OTOG: variants seen among roughly 807,000 people sequenced by gnomAD.
The protein encoded by OTOG is otogelin.
In OTOG, 296 loss-of-function variants were observed where a neutral mutation model predicts 313.8. The ratio of observed to expected loss-of-function variants is 0.94; its 90% confidence interval spans 0.86 to 1.04. The LOEUF (loss-of-function observed/expected upper bound fraction) is 1.04, where lower values mean the gene tolerates loss of function less well. OTOG is among the 50% of genes least tolerant of loss of function. The probability of loss-of-function intolerance (pLI) is 0.00; values close to 1 mark genes in which losing one functional copy is unlikely to be tolerated. For synonymous variants in OTOG, 1,533 were observed against 1,554.9 expected (o/e 0.99, Z 0.33); for missense variants, 3,948 against 3,840.1 (o/e 1.03, Z -0.74).
At chr11:17,630,902 C>G (rs562818311) in intron 40 of OTOG, among the ~76,000 whole-genome samples, 1 of 152,308 alleles carries the variant, frequency 6.6e-6, no homozygotes, top group South Asian at 2.1e-4. Flanking sequence ...ACCCTTGCCC[C>G]CATCTCAGTG....
Position 17,634,885 on chromosome 11 carries a change from C to A in OTOG, c.7522C>A (p.Arg2508Ser), listed in dbSNP as rs1430372915. 1.2e-5 allele frequency: 18 copies of A among 1,549,458 alleles called. 1 individual carries two copies. Among genetic ancestry groups the A allele is most frequent in the African/African-American group, 8.2e-5 (6 of 73,066 alleles). Reference protein sequence around the residue: ...TLCEGLAPTCRPGHRLLTHFQ... With the variant: ...TLCEGLAPTCSPGHRLLTHFQ... ...GTGTGAGGGTCTCGCCCCCACATGCCGCCCAGGCCACCGCCTCCTCACCCA... is the reference window on the plus strand; with the variant it reads ...GTGTGAGGGTCTCGCCCCCACATGCAGCCCAGGCCACCGCCTCCTCACCCA... The change falls in exon 45 of 56, where the codon CGC becomes AGC. Residue 2508 changes from arginine (R) to serine (S), a missense_variant. Transcript: ENST00000399397.
chr11:17,604,539 G>A (rs575116693), intron 32 of OTOG, among the ~76,000 whole-genome samples: 65 of 152,336 alleles, frequency 4.3e-4, no homozygotes, highest in Middle Eastern at 6.8e-3. Context: ...CTCATCCGCC[G>A]TCAGTGTGAC....
At chr11:17,605,083 C>T (rs190219786) in intron 32 of OTOG, among the ~76,000 whole-genome samples, 3 of 152,360 alleles carry the variant, frequency 2.0e-5, no homozygotes, top group African/African-American at 4.8e-5. Flanking sequence ...GGCATGAATG[C>T]GCTTGCCCAC....
chr11:17,611,272 G>T lies in OTOG; in HGVS notation c.5972G>T (p.Gly1991Val). The T allele has an allele frequency of 6.4e-7, 1 of 1,550,512 alleles. No individual in the cohort carries two copies. The change falls in exon 36 of 56, where the codon GGA becomes GTA. Residue 1991 changes from glycine to valine, a missense_variant. Transcript: ENST00000399397. ...VLLPQLAEAH[G>V]TSAGPHLAAE... ...TTGCCTCAGCTGGCTGAGGCCCATGGAACCTCGGCAGGGCCTCACCTGGCA... is the reference window on the plus strand; with the variant it reads ...TTGCCTCAGCTGGCTGAGGCCCATGTAACCTCGGCAGGGCCTCACCTGGCA...
chr11:17,575,881 C>T (rs1364997134), intron 20 of OTOG, among the ~76,000 whole-genome samples: 3 of 152,114 alleles, frequency 2.0e-5, no homozygotes, highest in Non-Finnish European at 2.9e-5. Context: ...GGAAGAGTTT[C>T]GGCGTCCGGT....
At chr11:17,569,124 A>G (rs185776638) in intron 15 of OTOG, 32 bp from the exon 16 acceptor site, 452 of 1,550,226 alleles carry the variant, frequency 2.9e-4, no homozygotes, top group Non-Finnish European at 3.7e-4. Flanking sequence ...GGTCAGACCA[A>G]CACTGCCCCA....
At chr11:17,639,300 G>T in intron 48 of OTOG, 123 bp from the exon 49 acceptor site, 1 of 1,021,314 alleles carries the variant, frequency 9.8e-7, no homozygotes, top group East Asian at 2.6e-5. Flanking sequence ...CCTCTCCCAG[G>T]CCTGGCCTGG....
chr11:17,563,298 A>T (rs772693088), intron 15 of OTOG, among the ~76,000 whole-genome samples: 1 of 152,320 alleles, frequency 6.6e-6, no homozygotes, highest in Non-Finnish European at 1.5e-5. Context: ...ACCCACAGCC[A>T]GGGCAGCTGC....
In OTOG at chr11:17,612,687, G is replaced by A. The variant is rs1021238913; in HGVS notation, c.6360G>A (p.Lys2120=). Residue 2120 remains lysine, a synonymous_variant, in exon 38 of 56, where the codon AAG becomes AAA. Transcript: ENST00000399397. The part of the protein sequence containing the change: ...TFDGSHVALF[K]EAIYILSQSP... ...ATGGGAGCCACGTAGCTCTGTTCAA[G>A]GAGGCCATCTACATCCTCAGCCAGA... The A allele has an allele frequency of 2.6e-6, 4 of 1,550,506 alleles. No homozygotes were observed. The African/African-American group carries it at 5.5e-5, about 21-fold the overall frequency.
At chr11:17,626,424 C>T (rs547442958) in intron 39 of OTOG, among the ~76,000 whole-genome samples, 5 of 152,216 alleles carry the variant, frequency 3.3e-5, no homozygotes, top group African/African-American at 1.2e-4. Context: ...GATCTGCCCA[C>T]CTTGGCCTCC....
chr11:17,593,092 G>A, intron 25 of OTOG, 101 bp from the exon 26 acceptor site: 1 of 1,213,452 alleles, frequency 8.2e-7, no homozygotes, highest in Non-Finnish European at 1.1e-6. Context: ...AGTAGAAGTG[G>A]ACTGAAAGCC....
chr11:17,552,245 C>T (rs1851952865), intron 4 of OTOG, among the ~76,000 whole-genome samples, 170 bp downstream of exon 4: 1 of 152,178 alleles, frequency 6.6e-6, no homozygotes, highest in Admixed American at 6.5e-5. Context: ...ATTTGGCATT[C>T]TCCTCCCTGC....
rs766465200 is a variant in OTOG at position 17,593,654 on chromosome 11, G to A, written c.3186G>A (p.Trp1062Ter). Residue 1062 changes from tryptophan (W) to a stop codon, truncating the protein, a stop_gained, in exon 27 of 56, where the codon TGG (tryptophan) becomes TGA (stop). Coordinates refer to ENST00000399397, the MANE Select transcript of OTOG (RefSeq NM_001292063.2). LOFTEE classifies it high-confidence loss of function. ...ATGACAAGCAGGAGGTCCACACATG[G>A]CGAGTGGGATTTTTCACACTGGTGC... Reference protein sequence around the residue: ...FLDDKQEVHTWRVGFFTLVHF... With the variant: ...FLDDKQEVHT 5.3e-5 allele frequency: 82 copies of A among 1,549,032 alleles called. No homozygotes were observed. Among genetic ancestry groups the A allele is most frequent in the Non-Finnish European group, 7.1e-5 (81 of 1,146,990 alleles).
intron 39 of OTOG, among the ~76,000 whole-genome samples, chr11:17,620,785 C>G (rs1405732359): frequency 6.6e-6 from 1 of 152,170 alleles, no homozygotes; most frequent in African/African-American, 2.4e-5. Flanking sequence ...CTTATGCTCT[C>G]TGCTCATCAT....
In OTOG at chr11:17,609,158, AC is replaced by A. The variant is rs1332148141; in HGVS notation, c.4309del (p.Gln1437ArgfsTer73). 1.3e-6 allele frequency: 2 copies of A among 1,550,094 alleles called. No homozygotes were observed. Among genetic ancestry groups the A allele is most frequent in the East Asian group, 4.9e-5 (2 of 40,902 alleles). On this transcript the variant is annotated frameshift_variant, in exon 35 of 56. Coordinates refer to ENST00000399397, the MANE Select transcript of OTOG (RefSeq NM_001292063.2). LOFTEE classifies it high-confidence loss of function. ...RVEGCVPVCPTPQVLDEVTQR... is the reference protein window; with the variant it reads ...RVEGCVPVCPXPQVLDEVTQR... ...AGAAGGCTGTGTCCCTGTGTGCCCC[AC>A]CCCCCAGGTCCTGGATGAAGTCACA...
At chr11:17,639,596 C>A in intron 49 of OTOG, 133 bp downstream of exon 49, 1 of 872,048 alleles carries the variant, frequency 1.1e-6, no homozygotes, top group Non-Finnish European at 1.8e-6. Context: ...ATTCTTTTCC[C>A]AAGCTCTGCC....
chr11:17,577,047 C>T, intron 22 of OTOG, 136 bp downstream of exon 22: 1 of 904,344 alleles, frequency 1.1e-6, no homozygotes, highest in Non-Finnish European at 1.7e-6. Flanking sequence ...ATTCCTTGCC[C>T]TCTTGGCAAA....
intron 23 of OTOG, among the ~76,000 whole-genome samples, chr11:17,583,937 C>G (rs751778957): frequency 1.3e-5 from 2 of 152,132 alleles, no homozygotes; most frequent in African/African-American, 4.8e-5. Context: ...GTCCTCCAAA[C>G]CACAAATATG....
chr11:17,551,007 G>A (rs1209506345), intron 3 of OTOG, among the ~76,000 whole-genome samples: 1 of 152,252 alleles, frequency 6.6e-6, no homozygotes, highest in Non-Finnish European at 1.5e-5. Flanking sequence ...GTCCTTTGCT[G>A]GATGACAATG....
Sources: gnomAD v4.1 joint callset for allele counts (sites outside exome capture counted in the v4.1 genomes callset) on GRCh38, gnomAD v4.1.1 for gene constraint, MANE v1.5 for transcripts, NCBI Gene and HGNC (gene_info 2026-07-23, HGNC 2026-07-21) for gene names.